Variants in ATAD2B observed in about 807,000 individuals in gnomAD.
The protein encoded by ATAD2B is ATPase family AAA domain-containing protein 2B.
ATAD2B carries 40 observed loss-of-function variants against 167.6 expected under a neutral mutation model. The observed-to-expected ratio is 0.24, with a 90% CI of 0.19 to 0.31. ATAD2B has a LOEUF of 0.31. Ranked by LOEUF, ATAD2B falls within the 10% of genes least tolerant of loss-of-function variation. ATAD2B has a pLI of 1.00. For synonymous variants in ATAD2B, 579 were observed against 596.5 expected (o/e 0.97, Z 0.43); for missense variants, 1,242 against 1,757.2 (o/e 0.71, Z 5.24).
chr2:23,742,581 C>A, the ATAD2B span, among the ~76,000 whole-genome samples: 2 of 150,056 alleles, frequency 1.3e-5, no homozygotes, highest in Non-Finnish European at 3.0e-5. Flanking sequence ...GGAGGGATAG[C>A]ATTAGGAGAT....
intron 4 of ATAD2B, among the ~76,000 whole-genome samples, chr2:23,886,429 T>C (rs1228409175): frequency 2.0e-5 from 3 of 152,130 alleles, no homozygotes; most frequent in African/African-American, 7.2e-5. Context: ...ATCAGATACA[T>C]GACACTGAAA....
chr2:23,896,586 C>T (rs1700184707), intron 1 of ATAD2B, among the ~76,000 whole-genome samples: 1 of 152,066 alleles, frequency 6.6e-6, no homozygotes, highest in Admixed American at 6.6e-5. Flanking sequence ...CTCCTAAATA[C>T]TCCAGTATGT....
At position 23,823,460 on chromosome 2, in the gene ATAD2B, A is replaced by G; in HGVS notation, c.1929T>C (p.Val643=). ...CTTGGGCACTAAGCACTATTGAGGA[A>G]ACATCCAGCTGCAGTTTATGACTGC... ...YASSHKLQLD[V]SSIVLSAQDF... The change falls in exon 16 of 28, where the codon GTT becomes GTC. Residue 643 remains valine (V), a synonymous_variant. Coordinates refer to ENST00000238789, the MANE Select transcript of ATAD2B (RefSeq NM_017552.4). 6.2e-7 allele frequency: 1 copy of G among 1,614,002 alleles called. No homozygotes were observed. Among genetic ancestry groups the G allele is most frequent in the Non-Finnish European group, 8.5e-7 (1 of 1,179,890 alleles).
chr2:23,844,802 G>GT (rs1691477472), intron 13 of ATAD2B, among the ~76,000 whole-genome samples: 1 of 151,914 alleles, frequency 6.6e-6, no homozygotes, highest in South Asian at 2.1e-4. Flanking sequence ...GAGACAGGAG[G>GT]TGGGGACGAC....
intron 17 of ATAD2B, among the ~76,000 whole-genome samples, chr2:23,814,705 AAAG>A (rs1686157390): frequency 6.6e-6 from 1 of 152,072 alleles, no homozygotes; most frequent in Non-Finnish European, 1.5e-5. Context: ...GGGAGAGAAA[AAAG>A]AAGGTAAGTT....
the ATAD2B span, among the ~76,000 whole-genome samples, chr2:23,730,206 T>C: frequency 0.1 from 15,438 of 152,236 alleles, 876 homozygotes; most frequent in Middle Eastern, 0.17. Flanking sequence ...AAATAATACA[T>C]AGTATATTCT....
chr2:23,691,852 T>G, the ATAD2B span: 2 of 1,550,842 alleles, frequency 1.3e-6, no homozygotes, highest in Non-Finnish European at 1.7e-6. Flanking sequence ...CCACACCTTC[T>G]GCAAAGTCTG....
intron 1 of ATAD2B, among the ~76,000 whole-genome samples, chr2:23,924,187 AAAAC>A (rs1227728970): frequency 1.3e-5 from 2 of 152,362 alleles, no homozygotes; most frequent in Non-Finnish European, 2.9e-5. Context: ...GTCTCAAAAA[AAAAC>A]AAACAAACAA....
intron 17 of ATAD2B, among the ~76,000 whole-genome samples, chr2:23,817,288 T>C (rs1162069901): frequency 2.0e-5 from 3 of 152,216 alleles, no homozygotes; most frequent in African/African-American, 7.2e-5. Context: ...GGGCAATTTA[T>C]TTAACTTCTG....
At chr2:23,739,539 A>G in the ATAD2B span, among the ~76,000 whole-genome samples, 5 of 152,180 alleles carry the variant, frequency 3.3e-5, no homozygotes, top group East Asian at 7.7e-4. Context: ...TCTCTGGGAC[A>G]CATTCAAAGC....
chr2:23,876,707 TAAAC>T (rs985353697), intron 7 of ATAD2B, among the ~76,000 whole-genome samples: 1 of 152,150 alleles, frequency 6.6e-6, no homozygotes, highest in Non-Finnish European at 1.5e-5. Context: ...AAGTTGCAAA[TAAAC>T]ATTCTAAACA....
intron 13 of ATAD2B, among the ~76,000 whole-genome samples, chr2:23,835,995 G>A (rs974665836): frequency 1.3e-5 from 2 of 151,856 alleles, no homozygotes; most frequent in Non-Finnish European, 2.9e-5. Context: ...TGTCAGGGTC[G>A]CTTTTCTGGC....
chr2:23,679,044 C>G, the ATAD2B span, among the ~76,000 whole-genome samples: 7 of 106,042 alleles, frequency 6.6e-5, no homozygotes, highest in Admixed American at 8.6e-4. Context: ...GTACATTTTA[C>G]CACAACTAAA....
chr2:23,758,387 T>G (rs537686823), intron 24 of ATAD2B, among the ~76,000 whole-genome samples: 2 of 152,292 alleles, frequency 1.3e-5, no homozygotes, highest in East Asian at 3.9e-4. Flanking sequence ...TTTACTACTG[T>G]TCCTAATTTT....
chr2:23,705,318 C>A, the ATAD2B span, among the ~76,000 whole-genome samples: 1 of 152,138 alleles, frequency 6.6e-6, no homozygotes, highest in African/African-American at 2.4e-5. Context: ...TGGTGAAACC[C>A]CGTCTCTACT....
chr2:23,782,481 A>G (rs1317678748), intron 22 of ATAD2B, among the ~76,000 whole-genome samples: 3 of 152,212 alleles, frequency 2.0e-5, no homozygotes, highest in Non-Finnish European at 4.4e-5. Flanking sequence ...CATTCTACAT[A>G]AAGAACAGAT....
the ATAD2B span, among the ~76,000 whole-genome samples, chr2:23,698,211 C>A: frequency 1.3e-5 from 2 of 152,168 alleles, no homozygotes; most frequent in South Asian, 4.1e-4. Context: ...CCCCGGGAAC[C>A]CCAAGAGATG....
the ATAD2B span, among the ~76,000 whole-genome samples, chr2:23,722,735 A>T: frequency 6.6e-6 from 1 of 152,280 alleles, no homozygotes; most frequent in South Asian, 2.1e-4. Context: ...AAAGAACCTC[A>T]AACAGATTCA....
chr2:23,834,310 C>T (rs528710442), intron 13 of ATAD2B, among the ~76,000 whole-genome samples: 62 of 151,630 alleles, frequency 4.1e-4, no homozygotes, highest in African/African-American at 1.4e-3. Flanking sequence ...TACAGGCGCA[C>T]GCCACCACGC....
Sources: gnomAD v4.1 joint callset for allele counts (sites outside exome capture counted in the v4.1 genomes callset) on GRCh38, gnomAD v4.1.1 for gene constraint, MANE v1.5 for transcripts, NCBI Gene and HGNC (gene_info 2026-07-23, HGNC 2026-07-21) for gene names.